HSD17B7: variants seen among roughly 807,000 people sequenced by gnomAD.
The protein encoded by HSD17B7 is 3-keto-steroid reductase/17-beta-hydroxysteroid dehydrogenase 7.
In HSD17B7, 17 loss-of-function variants were observed where a neutral mutation model predicts 34.1. The ratio of observed to expected loss-of-function variants is 0.50; its 90% CI spans 0.34 to 0.75. HSD17B7 has a LOEUF of 0.75. Among genes scored for constraint, HSD17B7 ranks in the 30% least tolerant of loss-of-function variants. The pLI is 0.01. For missense variants in HSD17B7, 296 were observed against 406.6 expected, an observed-to-expected ratio of 0.73 and a Z score of 2.34; for synonymous variants, 122 against 154.6, an observed-to-expected ratio of 0.79 and a Z score of 1.56.
At chr1:162,796,342 C>T (rs888652853) in intron 2 of HSD17B7, among the ~76,000 whole-genome samples, 4 of 152,132 alleles carry the variant, frequency 2.6e-5, no homozygotes, top group Non-Finnish European at 5.9e-5. Flanking sequence ...TTTGAAGCCA[C>T]TACCAAAGAA....
chr1:162,792,251 C>G (rs1466054650), intron 1 of HSD17B7, among the ~76,000 whole-genome samples: 1 of 152,146 alleles, frequency 6.6e-6, no homozygotes, highest in African/African-American at 2.4e-5. Flanking sequence ...GGAGCCTAGA[C>G]AGCAAAGTCA....
intron 5 of HSD17B7, among the ~76,000 whole-genome samples, chr1:162,802,417 A>C (rs932820014): frequency 6.6e-6 from 1 of 152,188 alleles, no homozygotes; most frequent in African/African-American, 2.4e-5. Context: ...TTGGACTATC[A>C]TGAGGATAAG....
At chr1:162,808,106 A>C (rs1436820579) in intron 8 of HSD17B7, among the ~76,000 whole-genome samples, 1 of 152,200 alleles carries the variant, frequency 6.6e-6, no homozygotes, top group Non-Finnish European at 1.5e-5. Flanking sequence ...TTTAGGTCTA[A>C]CATTTAAGTC....
chr1:162,812,065 A>G (rs529438594), intron 8 of HSD17B7, among the ~76,000 whole-genome samples: 2 of 152,208 alleles, frequency 1.3e-5, no homozygotes, highest in Non-Finnish European at 2.9e-5. Flanking sequence ...CAAAACTCAG[A>G]TCTTTCAGTC....
intron 2 of HSD17B7, among the ~76,000 whole-genome samples, chr1:162,795,131 A>C (rs1648558568): frequency 6.6e-6 from 1 of 152,176 alleles, no homozygotes; most frequent in Non-Finnish European, 1.5e-5. Context: ...GTCCAGATAG[A>C]TTCTTACTTA....
intron 5 of HSD17B7, among the ~76,000 whole-genome samples, chr1:162,802,583 A>G (rs1416777274): frequency 9.9e-5 from 15 of 152,202 alleles, no homozygotes; most frequent in Non-Finnish European, 1.5e-4. Context: ...CTGTCCATTG[A>G]ACTGTCTGTT....
rs191633632 is a variant in HSD17B7 at position 162,811,272 on chromosome 1, C to T, written c.904-1026C>T. Among the ~76,000 whole-genome samples the T allele has an allele frequency of 6.7e-3, 1,016 of 152,182 alleles. 12 individuals carry two copies. The highest frequency in any genetic ancestry group is 0.034 in the East Asian group (175 of 5,176). ...TCTTTTCTTTAAGAATGTTGAATAT[C>T]GGCCCCCACTCTCTTCTGGCTTGTA... On this transcript the variant is annotated intron_variant, in intron 8 of 8. Coordinates refer to ENST00000254521, the MANE Select transcript of HSD17B7 (RefSeq NM_016371.4).
At position 162,799,826 on chromosome 1, in the gene HSD17B7, T is replaced by C. The variant is rs768103634; in HGVS notation, c.531T>C (p.Ser177=). ...IWTSSRSARK[S]NFSLEDFQHS... is the part of the protein sequence containing the mutation. ...CATCATCTCGCAGTGCAAGGAAATCTAATTTCAGCCTCGAGGACTTCCAGC... is the reference window on the plus strand; with the variant it reads ...CATCATCTCGCAGTGCAAGGAAATCCAATTTCAGCCTCGAGGACTTCCAGC... The change falls in exon 5 of 9, where the codon TCT becomes TCC. Residue 177 remains serine, a synonymous_variant. Transcript: ENST00000254521. 1.9e-6 allele frequency: 3 copies of C among 1,613,954 alleles called. No individual in the cohort carries two copies. The African/African-American group carries it at 4.0e-5, about 22-fold the overall frequency.
intron 8 of HSD17B7, among the ~76,000 whole-genome samples, chr1:162,805,918 G>A (rs1221010855): frequency 2.0e-5 from 3 of 152,140 alleles, no homozygotes; most frequent in East Asian, 3.9e-4. Context: ...CATGGTAGAC[G>A]CTCAGTAAAT....
chr1:162,800,327 C>A (rs1264984901), intron 5 of HSD17B7: 1 of 453,674 alleles, frequency 2.2e-6, no homozygotes, highest in Non-Finnish European at 4.4e-6. Flanking sequence ...AAGTCATTTA[C>A]CTGATGGTCA....
At chr1:162,805,517 T>A (rs937668055) in intron 8 of HSD17B7, 25 bp downstream of exon 8, 1 of 1,607,990 alleles carries the variant, frequency 6.2e-7, no homozygotes, top group African/African-American at 1.3e-5. Flanking sequence ...ATTGTTGCAC[T>A]GATGTTTGCT....
chr1:162,795,134 C>A (rs1047013412), intron 2 of HSD17B7, among the ~76,000 whole-genome samples: 2 of 152,160 alleles, frequency 1.3e-5, no homozygotes, highest in African/African-American at 4.8e-5. Flanking sequence ...CAGATAGATT[C>A]TTACTTATGT....
At chr1:162,795,715 G>A in intron 2 of HSD17B7, 1 of 426,610 alleles carries the variant, frequency 2.3e-6, no homozygotes, top group South Asian at 1.7e-5. Context: ...AATATCTTGG[G>A]TTATTCAGAG....
At chr1:162,808,865 T>G (rs1022703338) in intron 8 of HSD17B7, among the ~76,000 whole-genome samples, 5 of 152,220 alleles carry the variant, frequency 3.3e-5, no homozygotes, top group African/African-American at 1.2e-4. Flanking sequence ...AAGGAGATTT[T>G]GGGCTGAGAC....
intron 8 of HSD17B7, among the ~76,000 whole-genome samples, chr1:162,808,511 A>T (rs566804661): frequency 9.2e-5 from 14 of 152,312 alleles, no homozygotes; most frequent in Non-Finnish European, 1.6e-4. Flanking sequence ...GAAGAAAGTC[A>T]TTGGTAGCTT....
At position 162,797,905 on chromosome 1, in the gene HSD17B7, C is replaced by T; in HGVS notation, c.436C>T (p.His146Tyr). 3 of 1,613,806 alleles carry T rather than the reference C, an allele frequency of 1.9e-6. No homozygotes were observed. The highest frequency in any genetic ancestry group is 2.5e-6 in the Non-Finnish European group (3 of 1,179,798). ...QEVFETNVFG[H>Y]FILIRELEPL... Reference sequence around the variant, plus strand: ...GGTGTTTGAGACCAATGTCTTTGGCCATTTTATCCTGGTAAAGAAGCTGTG... The same window carrying T: ...GGTGTTTGAGACCAATGTCTTTGGCTATTTTATCCTGGTAAAGAAGCTGTG... The change falls in exon 4 of 9, where the codon CAT becomes TAT. Residue 146 changes from histidine (H) to tyrosine (Y), a missense_variant. By Grantham distance (83) the His-to-Tyr change is moderately conservative. Transcript: ENST00000254521.
chr1:162,796,249 A>C (rs1279684526), intron 2 of HSD17B7, among the ~76,000 whole-genome samples: 2 of 152,100 alleles, frequency 1.3e-5, no homozygotes, highest in African/African-American at 2.4e-5. Flanking sequence ...GGGTTGCTGC[A>C]ATTCCTTATT....
intron 8 of HSD17B7, among the ~76,000 whole-genome samples, 191 bp from the exon 9 acceptor site, chr1:162,812,107 G>T (rs1245211588): frequency 6.6e-6 from 1 of 152,232 alleles, no homozygotes; most frequent in Non-Finnish European, 1.5e-5. Context: ...AGTGGGTTTG[G>T]TGAGTGTTGG....
At chr1:162,793,759 G>T (rs6670180) in intron 2 of HSD17B7, among the ~76,000 whole-genome samples, 3,921 of 152,286 alleles carry the variant, frequency 0.026, 173 homozygotes, top group African/African-American at 0.089. Flanking sequence ...GGCAAGTAGT[G>T]AGTGACATTT....
Sources: gnomAD v4.1 joint callset for allele counts (sites outside exome capture counted in the v4.1 genomes callset) on GRCh38, gnomAD v4.1.1 for gene constraint, MANE v1.5 for transcripts, NCBI Gene and HGNC (gene_info 2026-07-23, HGNC 2026-07-21) for gene names.